Variants in LRP4 observed in about 807,000 individuals in gnomAD.
LRP4 encodes the protein LDL receptor related protein 4.
Under a neutral mutation model 220.3 loss-of-function variants are expected in LRP4, and 95 were observed. The observed-to-expected ratio is 0.43, with a 90% CI of 0.37 to 0.51. LRP4 has a LOEUF of 0.51. Ranked by LOEUF, LRP4 falls within the 20% of genes least tolerant of loss-of-function variation. The pLI, the probability that LRP4 is intolerant of heterozygous loss-of-function variation, is 0.00. For missense variants in LRP4, 1,925 were observed against 2,567.0 expected (o/e 0.75, Z 5.40); for synonymous variants, 903 against 954.6 (o/e 0.95, Z 1.00).
At chr11:46,879,807 G>C (rs1344349744) in intron 20 of LRP4, among the ~76,000 whole-genome samples, 2 of 152,180 alleles carry the variant, frequency 1.3e-5, no homozygotes, top group African/African-American at 4.8e-5. Flanking sequence ...TCCAAGTTGA[G>C]AGACATTATA....
rs756648064 is a variant in LRP4 at position 46,875,782 on chromosome 11, G to A, written c.3699+22C>T. On this transcript the variant is annotated intron_variant, in intron 26 of 37. Coordinates refer to ENST00000378623, the MANE Select transcript of LRP4 (RefSeq NM_002334.4). This position sits in a 1 kb window ranked among gnomAD's most constrained non-coding sequence, Gnocchi z 4.5. ...TCCCATCTTCCCAGGCTCCTGGGAA[G>A]CAGCAGGGACACGGCTCTCACCTCG... 1 of 1,614,054 alleles carries A rather than the reference G, an allele frequency of 6.2e-7. No homozygotes were observed. Among genetic ancestry groups the A allele is most frequent in the Admixed American group, 1.7e-5 (1 of 60,014 alleles).
At chr11:46,907,664 G>A (rs1185283562) in intron 1 of LRP4, among the ~76,000 whole-genome samples, 1 of 152,168 alleles carries the variant, frequency 6.6e-6, no homozygotes, top group Non-Finnish European at 1.5e-5. Flanking sequence ...TGATATAAAG[G>A]AAAGAAGGGA....
At chr11:46,880,408 C>T (rs1592527974) in intron 20 of LRP4, among the ~76,000 whole-genome samples, 1 of 151,216 alleles carries the variant, frequency 6.6e-6, no homozygotes, top group Non-Finnish European at 1.5e-5. Flanking sequence ...CAAGACTAGC[C>T]TAGACAACAA....
At chr11:46,874,715 T>G in intron 28 of LRP4, 85 bp downstream of exon 28, 1 of 1,173,420 alleles carries the variant, frequency 8.5e-7, no homozygotes, top group Non-Finnish European at 1.3e-6. Context: ...AAATCACTCA[T>G]CCATTTAGTG....
intron 18 of LRP4, among the ~76,000 whole-genome samples, chr11:46,885,812 G>A (rs1485715120): frequency 6.7e-6 from 1 of 150,030 alleles, no homozygotes; most frequent in East Asian, 2.0e-4. Context: ...CCCAGAAAGC[G>A]ATGGAAAGAA....
chr11:46,880,649 G>C (rs1185908220), intron 20 of LRP4, among the ~76,000 whole-genome samples: 1 of 151,932 alleles, frequency 6.6e-6, no homozygotes, highest in Non-Finnish European at 1.5e-5. Context: ...AATTAAAAGA[G>C]ACGTAATTAC....
chr11:46,883,833 G>C (rs771626180), intron 19 of LRP4, 38 bp downstream of exon 19: 1 of 1,449,930 alleles, frequency 6.9e-7, no homozygotes, highest in Non-Finnish European at 9.7e-7. Context: ...ATCTTGGGAG[G>C]GGTGGATGGA....
chr11:46,883,981 C>G lies in LRP4; in HGVS notation c.2507-5G>C. 6.2e-7 allele frequency: 1 copy of G among 1,603,582 alleles called. No individual in the cohort carries two copies. Among genetic ancestry groups the G allele is most frequent in the Non-Finnish European group, 8.5e-7 (1 of 1,170,300 alleles). On this transcript the variant is annotated splice_polypyrimidine_tract_variant and splice_region_variant and intron_variant, in intron 18 of 37. Coordinates refer to ENST00000378623, the MANE Select transcript of LRP4 (RefSeq NM_002334.4). ...CTACTTCAATCCGGTCTGTACCTAT[C>G]AAGAAGGGATACAGAGATTAATTCT...
At chr11:46,888,014 C>CAAAAAAAAAAAAAAAAAAA (rs59369000) in intron 16 of LRP4, among the ~76,000 whole-genome samples, 1 of 45,906 alleles carries the variant, frequency 2.2e-5, no homozygotes, top group African/African-American at 1.4e-4. Flanking sequence ...GACCCTGTCT[C>CAAAAAAAAAAAAAAAAAAA]AAAAAAAAAA....
intron 37 of LRP4, 51 bp downstream of exon 37, chr11:46,862,555 C>T (rs761731591): frequency 1.1e-5 from 18 of 1,601,406 alleles, no homozygotes; most frequent in Non-Finnish European, 1.5e-5. Flanking sequence ...GAGTAAAATC[C>T]CTCCCCACAC....
At chr11:46,895,438 G>A (rs1287969166) in intron 10 of LRP4, 147 bp from the exon 11 acceptor site, 15 of 1,101,972 alleles carry the variant, frequency 1.4e-5, no homozygotes, top group South Asian at 6.4e-5. Flanking sequence ...AAGGGCGGCC[G>A]GGCGTGGTGG....
At chr11:46,866,931 A>AAAAAAAG (rs1423145002) in intron 34 of LRP4, among the ~76,000 whole-genome samples, 1 of 152,168 alleles carries the variant, frequency 6.6e-6, no homozygotes, top group Non-Finnish European at 1.5e-5. Flanking sequence ...GTCTCAAGAA[A>AAAAAAAG]AAAAAAGAAA....
chr11:46,899,184 C>T lies in LRP4; in HGVS notation c.548-152G>A, dbSNP rs1941611901. 5 of 922,068 alleles carry T rather than the reference C, an allele frequency of 5.4e-6. No homozygotes were observed. The highest frequency in any genetic ancestry group is 4.4e-5 in the South Asian group (3 of 68,754). The allele number at this position is 922,068 out of a possible 1,614,324, so 57.1% of individuals were successfully genotyped here. On this transcript the variant is annotated intron_variant, in intron 5 of 37. Coordinates refer to ENST00000378623, the MANE Select transcript of LRP4 (RefSeq NM_002334.4). The surrounding 1 kb of genome is among the most constrained non-coding windows in gnomAD (Gnocchi z 5.9). The stretch of plus-strand genomic sequence containing the variant: ...TCATCTGGGACAGCCCTTATAGACG[C>T]CCATATTCAGGTGGACCAAAGGAAG...
rs754287981 is a variant in LRP4, at chr11:46,875,991, T to C, written c.3537-25A>G. On this transcript the variant is annotated intron_variant, in intron 25 of 37. Coordinates refer to ENST00000378623, the MANE Select transcript of LRP4 (RefSeq NM_002334.4). This position sits in a 1 kb window ranked among gnomAD's most constrained non-coding sequence, Gnocchi z 4.5. ...CCTGAGTGAGGAAGAATATTAGCTA[T>C]ATTAGCTAGTTATTCCAGCAGCTAC... 3.7e-6 allele frequency: 6 copies of C among 1,602,790 alleles called. No homozygotes were observed. Among genetic ancestry groups the C allele is most frequent in the African/African-American group, 2.7e-5 (2 of 74,698 alleles).
intron 2 of LRP4, among the ~76,000 whole-genome samples, chr11:46,902,029 G>C (rs1028397747): frequency 6.6e-6 from 1 of 150,582 alleles, no homozygotes; most frequent in African/African-American, 2.4e-5. Context: ...CACTGCGCCC[G>C]GCCTAAGAAA....
chr11:46,873,644 G>T lies in LRP4; in HGVS notation c.4230-51C>A. 1.3e-6 allele frequency: 2 copies of T among 1,484,026 alleles called. No homozygotes were observed. Among genetic ancestry groups the T allele is most frequent in the Non-Finnish European group, 1.9e-6 (2 of 1,074,078 alleles). The allele number at this position is 1,484,026 out of a possible 1,614,324, so 91.9% of individuals were successfully genotyped here. Reference sequence around the variant, plus strand: ...AGCAACCAGACTGACCCAGAATAGAGTAGAACTTTAACCCATGTTCCCATA... The same window carrying T: ...AGCAACCAGACTGACCCAGAATAGATTAGAACTTTAACCCATGTTCCCATA... On this transcript the variant is annotated intron_variant, in intron 28 of 37. Coordinates refer to ENST00000378623, the MANE Select transcript of LRP4 (RefSeq NM_002334.4). The surrounding 1 kb of genome is among the most constrained non-coding windows in gnomAD (Gnocchi z 4.2).
rs1941222092 is a variant in LRP4, at chr11:46,883,939, G to A, written c.2544C>T (p.Ser848=). The change falls in exon 19 of 38, where the codon AGC becomes AGT. Residue 848 remains serine (S), a synonymous_variant. Transcript: ENST00000378623. ...DRIEVANTDG[S]MRTVLIWENL... ...TCTCCCAGATGAGTACTGTTCTCAT[G>A]CTGCCATCTGTGTTGGCTACTTCAA... 6.2e-7 allele frequency: 1 copy of A among 1,614,178 alleles called. No homozygotes were observed. Among genetic ancestry groups the A allele is most frequent in the South Asian group, 1.1e-5 (1 of 91,088 alleles).
intron 31 of LRP4, among the ~76,000 whole-genome samples, chr11:46,870,184 G>C (rs1049908311): frequency 3.3e-5 from 5 of 151,752 alleles, no homozygotes; most frequent in African/African-American, 1.2e-4. Flanking sequence ...CAGGAGAATT[G>C]CTTGAATCTA....
intron 7 of LRP4, among the ~76,000 whole-genome samples, chr11:46,898,094 C>T (rs1168554659): frequency 2.7e-5 from 4 of 146,918 alleles, no homozygotes; most frequent in South Asian, 2.2e-4. Flanking sequence ...GCTGACCGGG[C>T]GGGGGGCTGA....
Sources: allele counts gnomAD v4.1 joint callset (sites outside exome capture counted in the v4.1 genomes callset), GRCh38; gene constraint gnomAD v4.1.1; non-coding constraint Gnocchi (gnomAD v3.1); transcripts MANE v1.5; gene names NCBI Gene and HGNC (gene_info 2026-07-23, HGNC 2026-07-21).